Variants in DOCK1 observed in about 807,000 individuals in gnomAD.
The protein encoded by DOCK1 is dedicator of cytokinesis protein 1.
In DOCK1, 138 loss-of-function variants were observed where a neutral mutation model predicts 262.7. That is an observed-to-expected ratio of 0.53 (90% CI 0.46 to 0.61). DOCK1 has a LOEUF of 0.61. Among genes scored for constraint, DOCK1 ranks in the 20% least tolerant of loss-of-function variants. The pLI is 0.00. For synonymous variants in DOCK1, 866 were observed against 867.4 expected (o/e 1.00, Z 0.03); for missense variants, 1,908 against 2,370.7 (o/e 0.80, Z 4.05).
intron 21 of DOCK1, among the ~76,000 whole-genome samples, chr10:127,044,963 G>A (rs1353804708): frequency 3.9e-5 from 6 of 152,074 alleles, no homozygotes; most frequent in African/African-American, 9.7e-5. Flanking sequence ...TTGGAAGGCC[G>A]AGGTGGGTGG....
intron 35 of DOCK1, among the ~76,000 whole-genome samples, chr10:127,376,268 CTG>C (rs2065483480): frequency 6.6e-6 from 1 of 152,216 alleles, no homozygotes; most frequent in African/African-American, 2.4e-5. Flanking sequence ...ATCTAAAACA[CTG>C]TAACAGTGTG....
intron 1 of DOCK1, among the ~76,000 whole-genome samples, chr10:126,957,639 T>TGCCTAGCTAATATATTTCGTTGTAGA (rs1163719827): frequency 6.6e-6 from 1 of 152,088 alleles, no homozygotes; most frequent in East Asian, 1.9e-4. Context: ...CCCACCATCA[T>TGCCTAGCTAATATATTTCGTTGTAGA]GCCTAGCTAA....
chr10:127,180,826 G>T (rs1243783108), intron 27 of DOCK1, among the ~76,000 whole-genome samples: 3 of 152,176 alleles, frequency 2.0e-5, no homozygotes, highest in Non-Finnish European at 2.9e-5. Flanking sequence ...AATGTTAAGT[G>T]AAACAAAGCA....
intron 1 of DOCK1, among the ~76,000 whole-genome samples, chr10:126,945,857 G>C (rs2035358151): frequency 6.6e-6 from 1 of 152,240 alleles, no homozygotes; most frequent in African/African-American, 2.4e-5. Flanking sequence ...GCCAAGAGCA[G>C]GGGGTTTTGG....
At chr10:127,364,377 T>A (rs575591849) in intron 33 of DOCK1, among the ~76,000 whole-genome samples, 9 of 152,320 alleles carry the variant, frequency 5.9e-5, no homozygotes, top group Non-Finnish European at 8.8e-5. Context: ...ATTTTTTTTT[T>A]ATTTTTTTGA....
At chr10:127,440,855 C>T (rs866936629) in intron 49 of DOCK1, among the ~76,000 whole-genome samples, 4 of 152,160 alleles carry the variant, frequency 2.6e-5, no homozygotes, top group African/African-American at 7.2e-5. Context: ...AGTACCCAGA[C>T]GCTCAGCGTC....
intron 5 of DOCK1, among the ~76,000 whole-genome samples, chr10:126,988,891 G>A (rs1345228497): frequency 6.6e-6 from 1 of 152,042 alleles, no homozygotes; most frequent in Non-Finnish European, 1.5e-5. Context: ...CGGCCAACAT[G>A]GTGAAACCCC....
At chr10:127,136,031 A>G (rs774103764) in intron 27 of DOCK1, 24 of 152,780 alleles carry the variant, frequency 1.6e-4, no homozygotes, top group Non-Finnish European at 3.5e-4. Flanking sequence ...TTCTTGCACC[A>G]AAATATTTCT....
intron 27 of DOCK1, among the ~76,000 whole-genome samples, chr10:127,159,587 C>T (rs575258026): frequency 2.4e-4 from 37 of 152,188 alleles, no homozygotes; most frequent in African/African-American, 8.4e-4. Flanking sequence ...TCAGTTAATC[C>T]TTTTTGGACC....
intron 12 of DOCK1, among the ~76,000 whole-genome samples, chr10:127,017,845 GC>G (rs2042124688): frequency 6.6e-6 from 1 of 152,168 alleles, no homozygotes; most frequent in African/African-American, 2.4e-5. Context: ...GCCCCTGCCT[GC>G]CCCGCCTTTG....
intron 48 of DOCK1, among the ~76,000 whole-genome samples, chr10:127,434,866 A>G (rs1252324727): frequency 6.6e-6 from 1 of 152,020 alleles, no homozygotes; most frequent in Non-Finnish European, 1.5e-5. Flanking sequence ...ATTAGCCAGG[A>G]TGGTCTCGAT....
chr10:127,066,046 G>A (rs983808014), intron 23 of DOCK1, among the ~76,000 whole-genome samples: 10 of 151,832 alleles, frequency 6.6e-5, no homozygotes, highest in South Asian at 2.1e-4. Flanking sequence ...CCCTTCACCC[G>A]GCCCAGATGT....
chr10:127,251,872 T>C (rs370582980), intron 28 of DOCK1, among the ~76,000 whole-genome samples: 2 of 149,834 alleles, frequency 1.3e-5, no homozygotes, highest in East Asian at 4.0e-4. Flanking sequence ...AGCAGCATGA[T>C]TTATAGTCCT....
chr10:127,235,680 A>G (rs1590060399), intron 27 of DOCK1, among the ~76,000 whole-genome samples: 5 of 152,216 alleles, frequency 3.3e-5, no homozygotes, highest in Admixed American at 2.6e-4. Context: ...AGGTGAGTAT[A>G]TTATCAGCTG....
intron 29 of DOCK1, among the ~76,000 whole-genome samples, chr10:127,280,078 AG>A (rs2060899176): frequency 7.3e-6 from 1 of 137,298 alleles, no homozygotes; most frequent in Admixed American, 8.0e-5. Context: ...TCTGTCGCCC[AG>A]GCTGGAGTGC....
chr10:126,934,747 GTTTTTTTTTTTTTTT>G (rs1166445414), intron 1 of DOCK1, among the ~76,000 whole-genome samples: 1 of 107,448 alleles, frequency 9.3e-6, no homozygotes, highest in African/African-American at 4.1e-5. Context: ...GAATTTACGA[GTTTTTTTTTTTTTTT>G]TTTTTTTTTG....
chr10:127,213,523 G>A (rs7915700), intron 27 of DOCK1, among the ~76,000 whole-genome samples: 4,114 of 152,262 alleles, frequency 0.027, 206 homozygotes, highest in African/African-American at 0.094. Flanking sequence ...GATTGATCAC[G>A]TGAGATTGGG....
intron 27 of DOCK1, among the ~76,000 whole-genome samples, chr10:127,212,540 C>T (rs1589966516): frequency 6.6e-6 from 1 of 152,156 alleles, no homozygotes; most frequent in South Asian, 2.1e-4. Context: ...GCAGACACCT[C>T]GAATTATTTT....
At chr10:127,166,209 G>T (rs942898549) in intron 27 of DOCK1, among the ~76,000 whole-genome samples, 2 of 152,160 alleles carry the variant, frequency 1.3e-5, no homozygotes, top group East Asian at 3.9e-4. Context: ...GGGACTACAG[G>T]TGCCTGCCAC....
Sources: allele counts gnomAD v4.1 joint callset (sites outside exome capture counted in the v4.1 genomes callset), GRCh38; gene constraint gnomAD v4.1.1; transcripts MANE v1.5; gene names NCBI Gene and HGNC (gene_info 2026-07-23, HGNC 2026-07-21).